SGCD: variants seen among roughly 807,000 people sequenced by gnomAD.
SGCD encodes sarcoglycan delta.
A neutral mutation model predicts 36.6 loss-of-function variants in SGCD; 18 were observed. The observed-to-expected ratio is 0.49, with a 90% CI of 0.34 to 0.73. SGCD has a LOEUF of 0.73. Among genes scored for constraint, SGCD ranks in the 30% least tolerant of loss-of-function variants. The probability of loss-of-function intolerance (pLI) is 0.01; values close to 1 mark genes in which losing one functional copy is unlikely to be tolerated. For synonymous variants in SGCD, 133 were observed against 130.6 expected (o/e 1.02, Z -0.12); for missense variants, 387 against 346.7 (o/e 1.12, Z -0.92).
chr5:156,670,006 G>A (rs774694775), intron 7 of SGCD, among the ~76,000 whole-genome samples: 2 of 152,112 alleles, frequency 1.3e-5, no homozygotes, highest in Non-Finnish European at 2.9e-5. Flanking sequence ...TGCAGTGATT[G>A]TCCCCATCAC....
At chr5:156,626,561 C>T (rs1052579833) in intron 6 of SGCD, among the ~76,000 whole-genome samples, 1 of 152,098 alleles carries the variant, frequency 6.6e-6, no homozygotes, top group Non-Finnish European at 1.5e-5. Flanking sequence ...GCACAATGAC[C>T]TATTTTTGTT....
chr5:156,558,846 C>G (rs777366227), intron 4 of SGCD, among the ~76,000 whole-genome samples: 1 of 152,154 alleles, frequency 6.6e-6, no homozygotes, highest in Non-Finnish European at 1.5e-5. Flanking sequence ...CTGTTTCTGT[C>G]TGTACTTGCA....
chr5:156,644,079 C>T (rs556106843), intron 6 of SGCD, among the ~76,000 whole-genome samples: 2 of 152,138 alleles, frequency 1.3e-5, no homozygotes, highest in Non-Finnish European at 2.9e-5. Context: ...AATTCTTAAA[C>T]AATTTTCTAA....
intron 3 of SGCD, among the ~76,000 whole-genome samples, chr5:156,135,170 A>T (rs938554798): frequency 6.6e-6 from 1 of 152,124 alleles, no homozygotes; most frequent in Admixed American, 6.5e-5. Context: ...TCATTTTCTC[A>T]TGACTTATTG....
intron 1 of SGCD, among the ~76,000 whole-genome samples, chr5:156,010,652 A>C (rs1258981651): frequency 6.6e-6 from 1 of 152,218 alleles, no homozygotes; most frequent in Non-Finnish European, 1.5e-5. Flanking sequence ...ACATCATGCT[A>C]AGTGCTCTAC....
At chr5:156,514,766 G>A (rs1757085489) in intron 4 of SGCD, among the ~76,000 whole-genome samples, 1 of 152,228 alleles carries the variant, frequency 6.6e-6, no homozygotes, top group South Asian at 2.1e-4. Flanking sequence ...TTTGTTCAGT[G>A]AGTAATCTTT....
intron 3 of SGCD, among the ~76,000 whole-genome samples, chr5:156,354,035 A>T (rs1337512986): frequency 1.3e-5 from 2 of 149,598 alleles, no homozygotes; most frequent in Non-Finnish European, 3.0e-5. Flanking sequence ...AGTTGAGTAT[A>T]CTATGCTTTG....
chr5:156,635,973 C>G (rs1244007031), intron 6 of SGCD, among the ~76,000 whole-genome samples: 1 of 151,848 alleles, frequency 6.6e-6, no homozygotes, highest in African/African-American at 2.4e-5. Flanking sequence ...CAACATGGCA[C>G]ATGTATACAT....
intron 1 of SGCD, among the ~76,000 whole-genome samples, chr5:156,037,803 G>T (rs1759536408): frequency 6.6e-6 from 1 of 152,076 alleles, no homozygotes; most frequent in African/African-American, 2.4e-5. Flanking sequence ...AAATTCCCTG[G>T]GGTTATTAAA....
the SGCD span, among the ~76,000 whole-genome samples, chr5:155,776,659 C>G: frequency 6.7e-6 from 1 of 148,644 alleles, no homozygotes; most frequent in South Asian, 2.2e-4. Context: ...CCACCTCCAG[C>G]CCCCTCAGCT....
intron 1 of SGCD, among the ~76,000 whole-genome samples, chr5:155,950,292 C>T (rs1474511172): frequency 1.3e-5 from 2 of 152,172 alleles, no homozygotes; most frequent in African/African-American, 4.8e-5. Context: ...CCTTCTGCTT[C>T]ATACCACCTA....
Position 155,906,792 on chromosome 5 carries a change from T to TTGATGCAGAAGCTGCAGCAAATGC in SGCD, c.-282+36392_-282+36415dup, listed in dbSNP as rs1243104740. 8.9e-3 allele frequency among the ~76,000 whole-genome samples: 1,346 copies of TTGATGCAGAAGCTGCAGCAAATGC among 151,980 alleles called. 26 individuals carry two copies. The highest frequency in any genetic ancestry group is 0.03 in the African/African-American group (1,238 of 41,394). On this transcript the variant is annotated intron_variant, in intron 1 of 9. Transcript: ENST00000517913. ...AAAGTGCAAGGTGAAGCAGCAAATGTTGATGCAGAAGCTGCAGCAAATGCT... is the reference window on the plus strand; with the variant it reads ...AAAGTGCAAGGTGAAGCAGCAAATGTTGATGCAGAAGCTGCAGCAAATGCTGATGCAGAAGCTGCAGCAAATGCT...
At chr5:156,463,928 C>G (rs1754608683) in intron 3 of SGCD, among the ~76,000 whole-genome samples, 1 of 152,088 alleles carries the variant, frequency 6.6e-6, no homozygotes, top group South Asian at 2.1e-4. Context: ...TGCACTCTAG[C>G]CTGAGTAACA....
intron 3 of SGCD, among the ~76,000 whole-genome samples, chr5:156,207,661 A>G (rs1050594682): frequency 1.3e-5 from 2 of 152,194 alleles, no homozygotes; most frequent in Non-Finnish European, 2.9e-5. Flanking sequence ...ATATTTTAAT[A>G]TAAATTGTAA....
chr5:156,584,160 T>C (rs898808413), intron 4 of SGCD, among the ~76,000 whole-genome samples: 2 of 152,210 alleles, frequency 1.3e-5, no homozygotes, highest in Non-Finnish European at 2.9e-5. Context: ...TCCAAGCACA[T>C]AGTCTTTCTC....
rs1019170312 is a variant in SGCD, at chr5:156,161,591, G to A, written c.-44+37572G>A. On this transcript the variant is annotated intron_variant, in intron 3 of 9. Transcript: ENST00000517913. ...CAGAAATAAAACCAAGGCTATATAT[G>A]TTGGACACCTAAACCCATGCTCTTC... Among the ~76,000 whole-genome samples, 18 of 151,866 alleles carry A rather than the reference G, an allele frequency of 1.2e-4. 1 individual carries two copies. The highest frequency in any genetic ancestry group is 4.4e-4 in the African/African-American group (18 of 41,110).
At chr5:155,894,820 G>A (rs1756212117) in intron 1 of SGCD, among the ~76,000 whole-genome samples, 1 of 152,010 alleles carries the variant, frequency 6.6e-6, no homozygotes, top group Non-Finnish European at 1.5e-5. Context: ...TCTACATTAT[G>A]GTGAGTTGTA....
the SGCD span, among the ~76,000 whole-genome samples, chr5:155,807,023 AATAC>A: frequency 6.6e-6 from 1 of 152,238 alleles, no homozygotes; most frequent in Non-Finnish European, 1.5e-5. Flanking sequence ...ACATGTGCAT[AATAC>A]ATAAATGCAT....
intron 3 of SGCD, among the ~76,000 whole-genome samples, chr5:156,480,326 T>C (rs1755368555): frequency 6.6e-6 from 1 of 152,204 alleles, no homozygotes; most frequent in African/African-American, 2.4e-5. Flanking sequence ...CTCTGTTTCG[T>C]TGGATTCTTC....
Sources: gnomAD v4.1 joint callset for allele counts (sites outside exome capture counted in the v4.1 genomes callset) on GRCh38, gnomAD v4.1.1 for gene constraint, MANE v1.5 for transcripts, NCBI Gene and HGNC (gene_info 2026-07-23, HGNC 2026-07-21) for gene names.